Variants in UTRN observed in about 807,000 individuals in gnomAD.
The protein encoded by UTRN is dystrophin-related protein 1.
A neutral mutation model predicts 463.9 loss-of-function variants in UTRN; 283 were observed. The observed-to-expected ratio is 0.61, with a 90% CI of 0.55 to 0.67. UTRN has a LOEUF of 0.67. Among genes scored for constraint, UTRN ranks in the 30% least tolerant of loss-of-function variants. The probability of loss-of-function intolerance (pLI) is 0.00; values close to 1 mark genes in which losing one functional copy is unlikely to be tolerated. For missense variants in UTRN, 3,922 were observed against 4,084.3 expected, an observed-to-expected ratio of 0.96 and a Z score of 1.08; for synonymous variants, 1,442 against 1,431.5, an observed-to-expected ratio of 1.01 and a Z score of -0.17.
At position 144,813,822 on chromosome 6, in the gene UTRN, C is replaced by T. The variant is rs1041916929; in HGVS notation, c.9358-7060C>T. On this transcript the variant is annotated intron_variant, in intron 65 of 74. Transcript: ENST00000367545. ...CTAAACCTGGAAGGGTTTTGCCATGCGCAGAGGCTAGGGTAAAAAAGGTGT... is the reference window on the plus strand; with the variant it reads ...CTAAACCTGGAAGGGTTTTGCCATGTGCAGAGGCTAGGGTAAAAAAGGTGT... Among the ~76,000 whole-genome samples the T allele has an allele frequency of 6.6e-5, 10 of 152,284 alleles. No individual in the cohort carries two copies. The East Asian group carries it at 7.7e-4, about 12-fold the overall frequency.
chr6:144,663,226 C>G (rs182797243), intron 51 of UTRN, among the ~76,000 whole-genome samples: 1 of 152,168 alleles, frequency 6.6e-6, no homozygotes, highest in East Asian at 1.9e-4. Context: ...TGACCCCATA[C>G]CAAGATGTGC....
At chr6:144,451,346 G>T in intron 17 of UTRN, 24 bp from the exon 18 acceptor site, 4 of 1,596,980 alleles carry the variant, frequency 2.5e-6, no homozygotes, top group Non-Finnish European at 3.4e-6. Context: ...CATGACAAAT[G>T]GTCACCTCTG....
chr6:144,402,950 T>C (rs1411216736), intron 2 of UTRN, among the ~76,000 whole-genome samples, 173 bp from the exon 3 acceptor site: 1 of 152,128 alleles, frequency 6.6e-6, no homozygotes, highest in African/African-American at 2.4e-5. Flanking sequence ...TTGGGCTCCA[T>C]AAGTGTACCG....
chr6:144,492,170 C>T (rs1197872003), intron 32 of UTRN, among the ~76,000 whole-genome samples: 2 of 152,144 alleles, frequency 1.3e-5, no homozygotes, highest in Non-Finnish European at 2.9e-5. Flanking sequence ...GCTCTTGCCC[C>T]TTTCCTCCTT....
intron 73 of UTRN, among the ~76,000 whole-genome samples, chr6:144,846,370 G>T (rs1350277205): frequency 6.6e-6 from 1 of 152,224 alleles, no homozygotes; most frequent in African/African-American, 2.4e-5. Context: ...TTAGGGTCCA[G>T]GGTGTGTCAA....
At chr6:144,819,871 T>G (rs978410902) in intron 65 of UTRN, among the ~76,000 whole-genome samples, 2 of 137,672 alleles carry the variant, frequency 1.5e-5, no homozygotes, top group African/African-American at 3.0e-5. Flanking sequence ...CTTCTCCTCC[T>G]CCGCCGCCTC....
Position 144,516,310 on chromosome 6 carries a change from GA to G in UTRN, c.5331del (p.Lys1777AsnfsTer2). 1.9e-6 allele frequency: 3 copies of G among 1,613,702 alleles called. No homozygotes were observed. Among genetic ancestry groups the G allele is most frequent in the Non-Finnish European group, 2.5e-6 (3 of 1,179,866 alleles). ...FETGVPFSDL[E>X]KLENDIENML... ...AACTGGTGTGCCTTTCTCTGACTTG[GA>G]AAAATTAGAAAATGACATAGAAAAT... On this transcript the variant is annotated frameshift_variant, in exon 38 of 75. Transcript: ENST00000367545. LOFTEE classifies it high-confidence loss of function.
At position 144,298,973 on chromosome 6, in the gene UTRN, A is replaced by G. The variant is rs536305370; in HGVS notation, c.79+7066A>G. ...TCTCTAATTAAGATTTTGGTATACA[A>G]TATTTATATGCAAAAGATTTTTGGT... On this transcript the variant is annotated intron_variant, in intron 2 of 74. Coordinates refer to ENST00000367545, the MANE Select transcript of UTRN (RefSeq NM_007124.3). Among the ~76,000 whole-genome samples the G allele has an allele frequency of 2.0e-3, 309 of 152,318 alleles. 1 individual carries two copies. Among genetic ancestry groups the G allele is most frequent in the African/African-American group, 7.2e-3 (299 of 41,572 alleles).
chr6:144,435,104 C>T (rs1430530512), intron 9 of UTRN, among the ~76,000 whole-genome samples: 1 of 152,058 alleles, frequency 6.6e-6, no homozygotes, highest in African/African-American at 2.4e-5. Flanking sequence ...GTTAACAAAC[C>T]ATAGCTGTTA....
intron 23 of UTRN, among the ~76,000 whole-genome samples, chr6:144,473,316 A>G (rs753326998): frequency 3.9e-5 from 6 of 152,292 alleles, no homozygotes; most frequent in Admixed American, 6.5e-5. Flanking sequence ...TATTCCCTCT[A>G]CCGTGCTATT....
chr6:144,411,210 C>G, intron 3 of UTRN, among the ~76,000 whole-genome samples: 1 of 152,192 alleles, frequency 6.6e-6, no homozygotes, highest in Non-Finnish European at 1.5e-5. Flanking sequence ...ACTGCATCCT[C>G]GCCAACATCT....
In UTRN at chr6:144,542,892, C is replaced by T. The variant is rs180702455; in HGVS notation, c.6595+22C>T. 8.2e-6 allele frequency: 13 copies of T among 1,590,308 alleles called. No homozygotes were observed. In the East Asian group the frequency reaches 2.9e-4, roughly 36 times the overall value. On this transcript the variant is annotated intron_variant, in intron 46 of 74. Transcript: ENST00000367545. ...GCTGGTAAGATATGTTTATCTTTAA[C>T]AAAGTTTTTTAAAAAATCAGTATGT...
At chr6:144,487,519 A>G in intron 28 of UTRN, 29 bp from the exon 29 acceptor site, 4 of 1,569,320 alleles carry the variant, frequency 2.5e-6, no homozygotes, top group South Asian at 1.2e-5. Flanking sequence ...TAAATGCATT[A>G]TTATTTTTTT....
At chr6:144,400,928 A>C (rs1782885631) in intron 2 of UTRN, among the ~76,000 whole-genome samples, 1 of 152,214 alleles carries the variant, frequency 6.6e-6, no homozygotes, top group Admixed American at 6.5e-5. Flanking sequence ...TATGTGATAA[A>C]ATGGAAAGAT....
At chr6:144,314,137 T>G (rs73586999) in intron 2 of UTRN, among the ~76,000 whole-genome samples, 4,358 of 152,180 alleles carry the variant, frequency 0.029, 201 homozygotes, top group African/African-American at 0.097. Context: ...TGAGTGGCCC[T>G]TGTGATTAAA....
chr6:144,489,770 C>T (rs1271602744), intron 30 of UTRN, among the ~76,000 whole-genome samples: 6 of 151,874 alleles, frequency 4.0e-5, no homozygotes, highest in African/African-American at 1.2e-4. Context: ...TATAGGCGCC[C>T]GCCACCGTGC....
chr6:144,810,053 A>C (rs1387459155), intron 65 of UTRN, among the ~76,000 whole-genome samples: 1 of 152,158 alleles, frequency 6.6e-6, no homozygotes, highest in Non-Finnish European at 1.5e-5. Flanking sequence ...TTGAATAAGA[A>C]GATACGACCT....
intron 51 of UTRN, among the ~76,000 whole-genome samples, chr6:144,586,740 TA>T (rs1291345279): frequency 1.8e-4 from 28 of 152,094 alleles, no homozygotes; most frequent in Admixed American, 1.8e-3. Context: ...GAGGGCATGG[TA>T]AAAAGCAGTT....
intron 66 of UTRN, among the ~76,000 whole-genome samples, chr6:144,824,162 GA>G (rs1255374326): frequency 6.6e-6 from 1 of 152,048 alleles, no homozygotes; most frequent in African/African-American, 2.4e-5. Context: ...AGTGGAGAGA[GA>G]AGATGGAACC....
Sources: gnomAD v4.1 joint callset for allele counts (sites outside exome capture counted in the v4.1 genomes callset) on GRCh38, gnomAD v4.1.1 for gene constraint, MANE v1.5 for transcripts, NCBI Gene and HGNC (gene_info 2026-07-23, HGNC 2026-07-21) for gene names.